GRM7: variants seen among roughly 807,000 people sequenced by gnomAD.
GRM7 encodes the protein metabotropic glutamate receptor 7.
In GRM7, 35 loss-of-function variants were observed where a neutral mutation model predicts 84.5. That is an observed-to-expected ratio of 0.41 (90% CI 0.32 to 0.55). GRM7 has a LOEUF of 0.55. Ranked by LOEUF, GRM7 falls within the 20% of genes least tolerant of loss-of-function variation. The pLI is 0.19. For missense variants in GRM7, 1,003 were observed against 1,194.6 expected (o/e 0.84, Z 2.36); for synonymous variants, 487 against 455.1 (o/e 1.07, Z -0.89).
intron 9 of GRM7, among the ~76,000 whole-genome samples, chr3:7,690,418 CAAT>C (rs1254006850): frequency 6.6e-5 from 10 of 152,142 alleles, no homozygotes; most frequent in African/African-American, 2.4e-4. Flanking sequence ...AAAATAAAAA[CAAT>C]AATAAGTCTA....
chr3:7,098,916 C>A (rs1023508393), intron 1 of GRM7, among the ~76,000 whole-genome samples: 7 of 151,890 alleles, frequency 4.6e-5, no homozygotes, highest in African/African-American at 1.4e-4. Flanking sequence ...TATATATGCA[C>A]AAGCATACTT....
At chr3:7,383,872 C>T (rs1311989022) in intron 4 of GRM7, among the ~76,000 whole-genome samples, 11 of 152,080 alleles carry the variant, frequency 7.2e-5, no homozygotes, top group Admixed American at 7.2e-4. Context: ...TATAATTTTC[C>T]TTGTCCCTCT....
intron 1 of GRM7, among the ~76,000 whole-genome samples, chr3:7,000,021 A>G (rs1317221067): frequency 6.6e-6 from 1 of 152,190 alleles, no homozygotes; most frequent in Non-Finnish European, 1.5e-5. Flanking sequence ...TCAATAATAA[A>G]TGGCATTGGA....
At chr3:7,614,478 A>G (rs1424609281) in intron 8 of GRM7, among the ~76,000 whole-genome samples, 1 of 152,176 alleles carries the variant, frequency 6.6e-6, no homozygotes, top group Non-Finnish European at 1.5e-5. Flanking sequence ...CAAGTTCAAG[A>G]AGAATATCTT....
chr3:7,543,286 A>G (rs1469249811), intron 7 of GRM7, among the ~76,000 whole-genome samples: 2 of 152,238 alleles, frequency 1.3e-5, no homozygotes, highest in Non-Finnish European at 2.9e-5. Context: ...GGTTCATCAC[A>G]GTACCAATTT....
chr3:7,622,810 A>ATCT (rs1697423642), intron 8 of GRM7, among the ~76,000 whole-genome samples: 1 of 152,234 alleles, frequency 6.6e-6, no homozygotes, highest in East Asian at 1.9e-4. Flanking sequence ...GACAAACCAG[A>ATCT]GTCCATGAGG....
At chr3:7,093,855 G>A (rs960302351) in intron 1 of GRM7, among the ~76,000 whole-genome samples, 3 of 151,898 alleles carry the variant, frequency 2.0e-5, no homozygotes, top group African/African-American at 7.3e-5. Flanking sequence ...TGTCACCAAG[G>A]TTTTCTCACT....
At chr3:7,038,211 C>T (rs946786497) in intron 1 of GRM7, among the ~76,000 whole-genome samples, 2 of 152,150 alleles carry the variant, frequency 1.3e-5, no homozygotes, top group African/African-American at 4.8e-5. Flanking sequence ...AAGTCTTAAA[C>T]TCTCTTGAAG....
rs746422532 is a variant in GRM7 at position 7,452,849 on chromosome 3, T to C, written c.1375+42T>C. ...CCATCCTTTTTGGAATCCTAAGTGT[T>C]GGCATTCTGTTTCATAAGTTTTAAA... On this transcript the variant is annotated intron_variant, in intron 6 of 9. Transcript: ENST00000357716. 4.1e-6 allele frequency: 5 copies of C among 1,229,122 alleles called. No individual in the cohort carries two copies. In the African/African-American group the frequency reaches 5.9e-5, roughly 15 times the overall value. The allele number at this position is 1,229,122 out of a possible 1,614,324, so 76.1% of individuals were successfully genotyped here.
At chr3:7,247,602 T>TAAAA (rs1223872815) in intron 2 of GRM7, among the ~76,000 whole-genome samples, 1 of 102,592 alleles carries the variant, frequency 9.7e-6, no homozygotes, top group Non-Finnish European at 2.1e-5. Flanking sequence ...TCTTTTTTTT[T>TAAAA]AAAAAAAAAA....
intron 2 of GRM7, among the ~76,000 whole-genome samples, chr3:7,197,716 G>A (rs1695925223): frequency 6.7e-6 from 1 of 148,800 alleles, no homozygotes; most frequent in African/African-American, 2.5e-5. Context: ...TTTTTTTCTA[G>A]TTTAACCAGG....
intron 7 of GRM7, among the ~76,000 whole-genome samples, chr3:7,571,640 T>C (rs2125046173): frequency 6.6e-6 from 1 of 152,348 alleles, no homozygotes; most frequent in East Asian, 1.9e-4. Flanking sequence ...CACATTTTCC[T>C]GTCTTCTTCT....
chr3:7,076,741 A>G (rs1698096308), intron 1 of GRM7, among the ~76,000 whole-genome samples: 1 of 152,184 alleles, frequency 6.6e-6, no homozygotes. Flanking sequence ...AATATATCAT[A>G]AAGAAAAAAT....
chr3:7,086,595 T>G (rs2125003443), intron 1 of GRM7, among the ~76,000 whole-genome samples: 1 of 152,342 alleles, frequency 6.6e-6, no homozygotes, highest in South Asian at 2.1e-4. Context: ...CAACTTGATG[T>G]TTGCCAGCCT....
At chr3:7,584,120 G>A (rs3804896) in intron 8 of GRM7, among the ~76,000 whole-genome samples, 37,514 of 152,054 alleles carry the variant, frequency 0.25, 4,779 homozygotes, top group Middle Eastern at 0.37. Context: ...TATATTACTC[G>A]TTAAAAAGTG....
At chr3:7,057,177 T>C (rs1432156926) in intron 1 of GRM7, among the ~76,000 whole-genome samples, 1 of 151,950 alleles carries the variant, frequency 6.6e-6, no homozygotes, top group Non-Finnish European at 1.5e-5. Context: ...TAGATTGTAA[T>C]GGTTTTCAAT....
chr3:7,065,655 C>G (rs940155561), intron 1 of GRM7, among the ~76,000 whole-genome samples: 1 of 151,692 alleles, frequency 6.6e-6, no homozygotes, highest in African/African-American at 2.4e-5. Context: ...TTTGCTTAGT[C>G]TTGCTTTGGC....
At chr3:7,240,384 C>T (rs921975520) in intron 2 of GRM7, among the ~76,000 whole-genome samples, 13 of 151,322 alleles carry the variant, frequency 8.6e-5, no homozygotes, top group African/African-American at 2.9e-4. Flanking sequence ...TTAAAATACA[C>T]CAAATAAACA....
chr3:7,478,581 G>C (rs939861459), intron 7 of GRM7, among the ~76,000 whole-genome samples: 3 of 152,112 alleles, frequency 2.0e-5, no homozygotes, highest in Non-Finnish European at 2.9e-5. Context: ...CAATGAGTAT[G>C]GTCAACAGCT....
Sources: allele counts gnomAD v4.1 joint callset (sites outside exome capture counted in the v4.1 genomes callset), GRCh38; gene constraint gnomAD v4.1.1; transcripts MANE v1.5; gene names NCBI Gene and HGNC (gene_info 2026-07-23, HGNC 2026-07-21).